Variants in LRP1B observed in about 807,000 individuals in gnomAD.
LRP1B encodes low-density lipoprotein receptor-related protein 1B.
In LRP1B, 217 loss-of-function variants were observed where a neutral mutation model predicts 556.6. That is an observed-to-expected ratio of 0.39 (90% CI 0.35 to 0.44). The LOEUF (loss-of-function observed/expected upper bound fraction) is 0.44, where lower values mean the gene tolerates loss of function less well. LRP1B is among the 20% of genes least tolerant of loss of function. The pLI, the probability that LRP1B is intolerant of heterozygous loss-of-function variation, is 1.00. For synonymous variants in LRP1B, 2,047 were observed against 1,865.8 expected (o/e 1.10, Z -2.50); for missense variants, 5,053 against 5,620.8 (o/e 0.90, Z 3.23).
intron 43 of LRP1B, among the ~76,000 whole-genome samples, chr2:140,558,595 G>C (rs1234098411): frequency 6.6e-6 from 1 of 152,068 alleles, no homozygotes; most frequent in Non-Finnish European, 1.5e-5. Flanking sequence ...AGGGGAGTGA[G>C]AGTTTGAGGA....
chr2:140,726,579 G>A (rs916619962), intron 35 of LRP1B, among the ~76,000 whole-genome samples: 1 of 152,112 alleles, frequency 6.6e-6, no homozygotes, highest in Non-Finnish European at 1.5e-5. Flanking sequence ...AAAAGAAGGT[G>A]ACTTTTGAAA....
chr2:141,540,562 T>C (rs1026733377), intron 2 of LRP1B, among the ~76,000 whole-genome samples: 2 of 151,678 alleles, frequency 1.3e-5, no homozygotes, highest in Non-Finnish European at 2.9e-5. Context: ...ACTTTCGTTT[T>C]TGAGATGCTC....
At chr2:140,884,062 A>G (rs1693559326) in intron 24 of LRP1B, 41 bp from the exon 25 acceptor site, 1 of 1,580,534 alleles carries the variant, frequency 6.3e-7, no homozygotes. Flanking sequence ...CCATTCAAGG[A>G]TTGTGTTAAG....
chr2:141,757,384 C>A (rs899781237), intron 2 of LRP1B, among the ~76,000 whole-genome samples: 2 of 152,104 alleles, frequency 1.3e-5, no homozygotes, highest in African/African-American at 4.8e-5. Flanking sequence ...GGCCTCATCT[C>A]TTTCCTACTG....
At chr2:141,338,894 T>A (rs918419624) in intron 3 of LRP1B, among the ~76,000 whole-genome samples, 2 of 152,128 alleles carry the variant, frequency 1.3e-5, no homozygotes, top group Non-Finnish European at 2.9e-5. Flanking sequence ...CTTTCATGAC[T>A]CTCCTTGTTC....
chr2:142,031,921 A>C (rs1283041172), intron 1 of LRP1B, among the ~76,000 whole-genome samples: 2 of 151,862 alleles, frequency 1.3e-5, no homozygotes, highest in Non-Finnish European at 2.9e-5. Context: ...AGACACATGC[A>C]TAGGGAGAAT....
chr2:140,471,872 C>A (rs972787294), intron 60 of LRP1B, among the ~76,000 whole-genome samples: 1 of 152,156 alleles, frequency 6.6e-6, no homozygotes, highest in African/African-American at 2.4e-5. Flanking sequence ...GACTTCCAGT[C>A]ATAGGCAAAT....
At chr2:140,346,535 T>A (rs1258094207) in intron 77 of LRP1B, among the ~76,000 whole-genome samples, 1 of 151,944 alleles carries the variant, frequency 6.6e-6, no homozygotes, top group Non-Finnish European at 1.5e-5. Context: ...ACAATCATAA[T>A]AAATGATTGT....
intron 29 of LRP1B, 54 bp downstream of exon 29, chr2:140,850,048 T>A: frequency 8.8e-7 from 1 of 1,136,100 alleles, no homozygotes; most frequent in South Asian, 1.4e-5. Flanking sequence ...TTTGTGATTA[T>A]TACAAACTGA....
chr2:141,308,002 A>G (rs951170174), intron 3 of LRP1B, among the ~76,000 whole-genome samples: 3 of 152,126 alleles, frequency 2.0e-5, no homozygotes, highest in Admixed American at 6.5e-5. Context: ...TGAAGGTGGC[A>G]TGTGCAGGTG....
chr2:141,399,489 T>C (rs1477604485), intron 3 of LRP1B, among the ~76,000 whole-genome samples: 1 of 152,194 alleles, frequency 6.6e-6, no homozygotes, highest in Non-Finnish European at 1.5e-5. Flanking sequence ...CCCCAGCGGC[T>C]ACATCCCCAA....
At chr2:140,656,027 G>A (rs1489240113) in intron 41 of LRP1B, among the ~76,000 whole-genome samples, 1 of 152,144 alleles carries the variant, frequency 6.6e-6, no homozygotes. Flanking sequence ...ACATTCAAGT[G>A]GTTTAAGTGG....
intron 60 of LRP1B, among the ~76,000 whole-genome samples, chr2:140,470,754 T>C (rs1687736059): frequency 6.6e-6 from 1 of 150,808 alleles, no homozygotes. Flanking sequence ...TTTCATGTCA[T>C]ATTTTTCAAC....
intron 7 of LRP1B, among the ~76,000 whole-genome samples, chr2:141,164,033 T>C (rs1178506529): frequency 2.0e-5 from 3 of 152,156 alleles, no homozygotes; most frequent in East Asian, 3.9e-4. Flanking sequence ...TTAACTTACA[T>C]TGTATTAATA....
At chr2:140,732,120 G>T (rs890572809) in intron 35 of LRP1B, among the ~76,000 whole-genome samples, 3 of 151,868 alleles carry the variant, frequency 2.0e-5, no homozygotes, top group Admixed American at 2.0e-4. Context: ...AAACAATCTG[G>T]TCATGAATTG....
intron 52 of LRP1B, among the ~76,000 whole-genome samples, chr2:140,508,026 T>C (rs1689494635): frequency 6.6e-6 from 1 of 152,180 alleles, no homozygotes; most frequent in East Asian, 1.9e-4. Context: ...AACTCCTATT[T>C]ATATAATAAT....
intron 27 of LRP1B, among the ~76,000 whole-genome samples, chr2:140,866,305 T>G (rs1447833662): frequency 6.6e-6 from 1 of 152,138 alleles, no homozygotes; most frequent in Non-Finnish European, 1.5e-5. Context: ...ATTTTTTCAT[T>G]ATACTAGTGG....
At position 141,185,014 on chromosome 2, in the gene LRP1B, A is replaced by G. The variant is rs549705239; in HGVS notation, c.1013+3407T>C. Among the ~76,000 whole-genome samples the G allele has an allele frequency of 1.2e-4, 19 of 152,176 alleles. No homozygotes were observed. In the South Asian group the frequency reaches 3.5e-3, roughly 28 times the overall value. On this transcript the variant is annotated intron_variant, in intron 7 of 90. Coordinates refer to ENST00000389484, the MANE Select transcript of LRP1B (RefSeq NM_018557.3). ...AAGGTCATCTTTGATGGGGTAGAAT[A>G]TTGGTCTCATTATTCTATTCGTAAT...
At chr2:140,249,029 A>G (rs1681292824) in intron 86 of LRP1B, among the ~76,000 whole-genome samples, 1 of 98,226 alleles carries the variant, frequency 1.0e-5, no homozygotes, top group African/African-American at 3.4e-5. Context: ...TGCTTTATAC[A>G]TTATCTCATT....
Sources: allele counts gnomAD v4.1 joint callset (sites outside exome capture counted in the v4.1 genomes callset), GRCh38; gene constraint gnomAD v4.1.1; transcripts MANE v1.5; gene names NCBI Gene and HGNC (gene_info 2026-07-23, HGNC 2026-07-21).